AGBL4: variants seen among roughly 807,000 people sequenced by gnomAD.
AGBL4 encodes cytosolic carboxypeptidase 6.
Under a neutral mutation model 66.4 loss-of-function variants are expected in AGBL4, and 58 were observed. That is an observed-to-expected ratio of 0.87 (90% CI 0.71 to 1.09). The LOEUF (loss-of-function observed/expected upper bound fraction) is 1.09. Ranked by LOEUF, AGBL4 falls within the 50% of genes least tolerant of loss-of-function variation. The probability of loss-of-function intolerance (pLI) is 0.00; values close to 1 mark genes in which losing one functional copy is unlikely to be tolerated. For missense variants in AGBL4, 579 were observed against 631.0 expected (o/e 0.92, Z 0.88); for synonymous variants, 234 against 222.9 (o/e 1.05, Z -0.44).
chr1:49,901,317 T>C (rs778667252), intron 1 of AGBL4, among the ~76,000 whole-genome samples: 53 of 152,228 alleles, frequency 3.5e-4, no homozygotes, highest in Non-Finnish European at 7.1e-4. Context: ...CAAAAGCTCC[T>C]TGGTCTGATA....
intron 5 of AGBL4, among the ~76,000 whole-genome samples, chr1:48,901,199 A>ATTTTATC (rs1652049219): frequency 6.6e-6 from 1 of 152,196 alleles, no homozygotes; most frequent in African/African-American, 2.4e-5. Context: ...AGAATGGATA[A>ATTTTATC]AATTAAGACT....
chr1:48,862,771 T>C (rs954309857), intron 6 of AGBL4, among the ~76,000 whole-genome samples: 4 of 152,194 alleles, frequency 2.6e-5, no homozygotes, highest in Non-Finnish European at 5.9e-5. Context: ...GTACTGCTGT[T>C]TTGCATGCTT....
chr1:48,994,419 G>A (rs1257289604), intron 5 of AGBL4, among the ~76,000 whole-genome samples: 2 of 152,052 alleles, frequency 1.3e-5, no homozygotes, highest in Non-Finnish European at 2.9e-5. Context: ...TTATACCATA[G>A]GTATATGCTA....
chr1:48,739,744 C>A (rs1389989027), intron 6 of AGBL4, among the ~76,000 whole-genome samples: 2 of 152,188 alleles, frequency 1.3e-5, no homozygotes, highest in East Asian at 3.8e-4. Flanking sequence ...CTGTTACATC[C>A]TTTACCCTCT....
intron 3 of AGBL4, among the ~76,000 whole-genome samples, chr1:49,579,496 G>C (rs1339232875): frequency 6.6e-6 from 1 of 152,014 alleles, no homozygotes; most frequent in Non-Finnish European, 1.5e-5. Context: ...CTCTGCAACT[G>C]GGTAGAATTT....
chr1:49,396,012 C>T (rs1022301815), intron 3 of AGBL4, among the ~76,000 whole-genome samples: 1 of 151,118 alleles, frequency 6.6e-6, no homozygotes, highest in African/African-American at 2.4e-5. Flanking sequence ...ATTGAAGACC[C>T]AGTGTCTACA....
rs75689660 is a variant in AGBL4, at chr1:49,840,869, G to A, written c.157+10527C>T. ...GACATACCTCAACATAATAAGAGCC[G>A]TCTCTGGCAAACCTATAGCCAACAC... On this transcript the variant is annotated intron_variant, in intron 2 of 13. Transcript: ENST00000371839. 4.4e-3 allele frequency among the ~76,000 whole-genome samples: 663 copies of A among 152,242 alleles called. 4 individuals carry two copies. The highest frequency in any genetic ancestry group is 0.015 in the African/African-American group (632 of 41,520).
intron 6 of AGBL4, among the ~76,000 whole-genome samples, chr1:48,807,279 C>T (rs1645947354): frequency 6.6e-6 from 1 of 152,180 alleles, no homozygotes; most frequent in Non-Finnish European, 1.5e-5. Context: ...CATGGGTACT[C>T]TGTACATGTT....
chr1:49,369,478 C>G (rs942767868), intron 3 of AGBL4, among the ~76,000 whole-genome samples: 6 of 152,032 alleles, frequency 3.9e-5, no homozygotes, highest in Non-Finnish European at 7.4e-5. Context: ...AACAGTGACC[C>G]CTGAAAGACA....
chr1:48,584,009 G>T (rs1644779371), intron 11 of AGBL4: 1 of 152,016 alleles, frequency 6.6e-6, no homozygotes, highest in South Asian at 2.1e-4. Flanking sequence ...ATCACGACCT[G>T]CTCAGCTTGT....
At chr1:49,473,765 T>C (rs1557973973) in intron 3 of AGBL4, among the ~76,000 whole-genome samples, 1 of 152,106 alleles carries the variant, frequency 6.6e-6, no homozygotes, top group Non-Finnish European at 1.5e-5. Flanking sequence ...TAGTTTTAGG[T>C]TTTACACATT....
chr1:49,516,410 T>C (rs1259929656), intron 3 of AGBL4, among the ~76,000 whole-genome samples: 4 of 151,970 alleles, frequency 2.6e-5, no homozygotes, highest in African/African-American at 9.7e-5. Flanking sequence ...TACTTGTAGA[T>C]AAAAAAGAGG....
chr1:48,823,052 CATTCTT>C (rs1646350489), intron 6 of AGBL4, among the ~76,000 whole-genome samples: 1 of 152,170 alleles, frequency 6.6e-6, no homozygotes, highest in African/African-American at 2.4e-5. Flanking sequence ...CGATAGAAAA[CATTCTT>C]ATTCCTTGTA....
chr1:48,757,421 G>A (rs749574930), intron 6 of AGBL4, among the ~76,000 whole-genome samples: 3 of 152,056 alleles, frequency 2.0e-5, no homozygotes, highest in East Asian at 3.9e-4. Context: ...GCGACTTTTC[G>A]TGTCACTGTG....
intron 5 of AGBL4, among the ~76,000 whole-genome samples, chr1:49,014,901 G>A (rs796973973): frequency 5.3e-5 from 8 of 152,336 alleles, no homozygotes; most frequent in African/African-American, 1.9e-4. Context: ...ATCAGAAGGA[G>A]AGAGATACAC....
chr1:49,288,499 G>A lies in AGBL4; in HGVS notation c.283-42635C>T, dbSNP rs549622305. ...TTTTCAGGGATGTCAAGGCCATTGC[G>A]AATTTTAAAAATCATAGAAAAGTGA... On this transcript the variant is annotated intron_variant, in intron 3 of 13. Transcript: ENST00000371839. Among the ~76,000 whole-genome samples the A allele has an allele frequency of 5.9e-4, 90 of 152,208 alleles. 2 individuals carry two copies. The highest frequency in any genetic ancestry group is 2.0e-3 in the African/African-American group (83 of 41,538).
At chr1:49,110,337 T>C (rs2148018673) in intron 4 of AGBL4, among the ~76,000 whole-genome samples, 1 of 152,342 alleles carries the variant, frequency 6.6e-6, no homozygotes, top group Middle Eastern at 3.4e-3. Flanking sequence ...ACATTCATTA[T>C]ATCAGTCTGC....
intron 3 of AGBL4, among the ~76,000 whole-genome samples, chr1:49,541,538 C>T (rs780072671): frequency 1.3e-5 from 2 of 152,204 alleles, no homozygotes; most frequent in Non-Finnish European, 2.9e-5. Context: ...GTGCTGTGCT[C>T]GAATTCTCAC....
chr1:49,684,526 T>A (rs889628193), intron 3 of AGBL4, among the ~76,000 whole-genome samples: 1 of 152,150 alleles, frequency 6.6e-6, no homozygotes, highest in African/African-American at 2.4e-5. Flanking sequence ...GTGAAGCTCA[T>A]ATTAGTTTTC....
Sources: gnomAD v4.1 joint callset for allele counts (sites outside exome capture counted in the v4.1 genomes callset) on GRCh38, gnomAD v4.1.1 for gene constraint, MANE v1.5 for transcripts, NCBI Gene and HGNC (gene_info 2026-07-23, HGNC 2026-07-21) for gene names.